Variants in PTPRN2 observed in about 807,000 individuals in gnomAD.
The protein encoded by PTPRN2 is protein tyrosine phosphatase receptor type N2.
In PTPRN2, 74 loss-of-function variants were observed where a neutral mutation model predicts 118.8. The observed-to-expected ratio is 0.62, with a 90% CI of 0.52 to 0.76. The LOEUF is 0.76. Ranked by LOEUF, PTPRN2 falls within the 30% of genes least tolerant of loss-of-function variation. PTPRN2 has a pLI of 0.00. For missense variants in PTPRN2, 1,481 were observed against 1,394.4 expected (o/e 1.06, Z -0.99); for synonymous variants, 641 against 608.0 (o/e 1.05, Z -0.80).
At position 157,877,534 on chromosome 7, in the gene PTPRN2, G is replaced by C. The variant is rs1029445551; in HGVS notation, c.1788+21139C>G. On this transcript the variant is annotated intron_variant, in intron 12 of 22. Transcript: ENST00000389418. The stretch of plus-strand genomic sequence containing the variant: ...AGTGCCATGGTCAGGGTTTCCTCGG[G>C]GATCCCAGGTCCGAGTGCCCTACCC... Among the ~76,000 whole-genome samples the C allele has an allele frequency of 5.9e-5, 9 of 152,148 alleles. No individual in the cohort carries two copies. In the East Asian group the frequency reaches 1.7e-3, roughly 29 times the overall value.
At chr7:158,437,762 A>G (rs950938616) in intron 2 of PTPRN2, among the ~76,000 whole-genome samples, 1 of 152,208 alleles carries the variant, frequency 6.6e-6, no homozygotes. Flanking sequence ...GCTTTTCCAT[A>G]GCTTTCTGAT....
At chr7:157,846,204 G>T (rs144051814) in intron 12 of PTPRN2, among the ~76,000 whole-genome samples, 303 of 152,242 alleles carry the variant, frequency 2.0e-3, no homozygotes, top group African/African-American at 6.9e-3. Flanking sequence ...GAAAAGCGGG[G>T]GTGGGAGTCA....
chr7:157,762,175 A>T (rs1802172378), intron 12 of PTPRN2, among the ~76,000 whole-genome samples: 1 of 152,128 alleles, frequency 6.6e-6, no homozygotes, highest in Non-Finnish European at 1.5e-5. Flanking sequence ...CCATTGTGGA[A>T]GTCAGTGTGG....
At chr7:158,278,809 AAC>A (rs1325809169) in intron 3 of PTPRN2, among the ~76,000 whole-genome samples, 6 of 151,634 alleles carry the variant, frequency 4.0e-5, no homozygotes, top group African/African-American at 1.5e-4. Context: ...ACAGCTCATA[AAC>A]ACAGCGCATC....
intron 3 of PTPRN2, among the ~76,000 whole-genome samples, chr7:158,270,796 GACCACCCCCTCACCTGGACC>G (rs1563067457): frequency 0.023 from 2,039 of 88,438 alleles, 176 homozygotes; most frequent in Middle Eastern, 0.054. Context: ...CCTCCACCTG[GACCACCCCCTCACCTGGACC>G]GCCCCCTCCA....
intron 12 of PTPRN2, among the ~76,000 whole-genome samples, chr7:157,849,447 C>G (rs552921393): frequency 6.6e-6 from 1 of 152,204 alleles, no homozygotes; most frequent in East Asian, 1.9e-4. Flanking sequence ...CCTGAGCCAC[C>G]GTTCCTCTGA....
At chr7:158,469,205 G>T (rs566489116) in intron 2 of PTPRN2, among the ~76,000 whole-genome samples, 4 of 152,324 alleles carry the variant, frequency 2.6e-5, no homozygotes, top group Admixed American at 2.0e-4. Flanking sequence ...ACTTAGGGAG[G>T]CCAAGGCAGG....
At chr7:157,829,856 C>G (rs1807437154) in intron 12 of PTPRN2, among the ~76,000 whole-genome samples, 1 of 152,204 alleles carries the variant, frequency 6.6e-6, no homozygotes, top group Non-Finnish European at 1.5e-5. Context: ...TCTGTTTCAC[C>G]CTGAATCTCA....
intron 12 of PTPRN2, among the ~76,000 whole-genome samples, chr7:157,691,017 G>A (rs1319866879): frequency 6.8e-6 from 1 of 147,788 alleles, no homozygotes; most frequent in Non-Finnish European, 1.5e-5. Context: ...GCGCGCACCC[G>A]GCCGGCGGCG....
intron 12 of PTPRN2, among the ~76,000 whole-genome samples, chr7:157,853,875 G>A (rs776115524): frequency 5.3e-5 from 8 of 152,198 alleles, no homozygotes; most frequent in Admixed American, 1.3e-4. Flanking sequence ...TCATTAGGGC[G>A]GGCCCTAATC....
intron 3 of PTPRN2, among the ~76,000 whole-genome samples, chr7:158,226,739 G>T (rs940760632): frequency 1.3e-5 from 2 of 150,850 alleles, no homozygotes; most frequent in Admixed American, 6.6e-5. Flanking sequence ...GAGACCTGGG[G>T]AAGTCCCACA....
intron 11 of PTPRN2, among the ~76,000 whole-genome samples, chr7:157,985,875 C>T (rs1025954266): frequency 1.3e-4 from 20 of 151,588 alleles, no homozygotes; most frequent in Non-Finnish European, 5.9e-5. Flanking sequence ...GATGCCACCG[C>T]GTGTGAAATG....
chr7:157,975,569 T>A (rs2088103202), intron 11 of PTPRN2, among the ~76,000 whole-genome samples: 2 of 152,160 alleles, frequency 1.3e-5, no homozygotes, highest in African/African-American at 4.8e-5. Context: ...GCGAGCTCCC[T>A]AGACCCGAAC....
At chr7:158,244,977 C>T (rs1434691369) in intron 3 of PTPRN2, among the ~76,000 whole-genome samples, 1 of 152,190 alleles carries the variant, frequency 6.6e-6, no homozygotes, top group Non-Finnish European at 1.5e-5. Flanking sequence ...GCCAGCAGTT[C>T]GAAGCCCCTG....
At chr7:158,531,084 C>A (rs1825197635) in intron 1 of PTPRN2, among the ~76,000 whole-genome samples, 1 of 152,080 alleles carries the variant, frequency 6.6e-6, no homozygotes, top group Admixed American at 6.5e-5. Flanking sequence ...AAAAACAAAC[C>A]ACAACAGACT....
intron 6 of PTPRN2, among the ~76,000 whole-genome samples, chr7:158,151,997 C>T (rs2150534440): frequency 6.6e-6 from 1 of 152,016 alleles, no homozygotes; most frequent in South Asian, 2.1e-4. Flanking sequence ...CATGGTGAAA[C>T]CCCGTCTCTA....
chr7:157,705,705 T>G (rs560084959), intron 12 of PTPRN2, among the ~76,000 whole-genome samples: 1 of 152,012 alleles, frequency 6.6e-6, no homozygotes, highest in East Asian at 1.9e-4. Context: ...CCAGGTGCCT[T>G]CTGGATAAAC....
intron 13 of PTPRN2, among the ~76,000 whole-genome samples, chr7:157,666,512 A>C (rs1381256784): frequency 7.8e-6 from 1 of 129,026 alleles, no homozygotes; most frequent in African/African-American, 2.6e-5. Context: ...AGAAAAAAAA[A>C]AAACCCCACA....
At chr7:158,032,363 G>A (rs1037788911) in intron 11 of PTPRN2, among the ~76,000 whole-genome samples, 3 of 152,132 alleles carry the variant, frequency 2.0e-5, no homozygotes, top group Admixed American at 6.5e-5. Flanking sequence ...CTCCTTCCCC[G>A]GCTTTGAAAG....
Sources: gnomAD v4.1 joint callset for allele counts (sites outside exome capture counted in the v4.1 genomes callset) on GRCh38, gnomAD v4.1.1 for gene constraint, MANE v1.5 for transcripts, NCBI Gene and HGNC (gene_info 2026-07-23, HGNC 2026-07-21) for gene names.